Variants in SYCP2L observed in about 807,000 individuals in gnomAD.
SYCP2L encodes synaptonemal complex protein 2-like.
Under a neutral mutation model 125.8 loss-of-function variants are expected in SYCP2L, and 98 were observed. The observed-to-expected ratio is 0.78, with a 90% CI of 0.66 to 0.92. The LOEUF (loss-of-function observed/expected upper bound fraction) is 0.92. SYCP2L is among the 40% of genes least tolerant of loss of function. The pLI, the probability that SYCP2L is intolerant of heterozygous loss-of-function variation, is 0.00. For synonymous variants in SYCP2L, 317 were observed against 325.4 expected (o/e 0.97, Z 0.28); for missense variants, 842 against 936.4 (o/e 0.90, Z 1.32).
At chr6:10,941,906 A>T (rs901576460) in intron 21 of SYCP2L, among the ~76,000 whole-genome samples, 1 of 152,134 alleles carries the variant, frequency 6.6e-6, no homozygotes, top group Non-Finnish European at 1.5e-5. Flanking sequence ...AACCAACCCA[A>T]ATGTCCAACA....
chr6:10,930,883 A>T (rs1020718180), intron 19 of SYCP2L, among the ~76,000 whole-genome samples: 2 of 152,234 alleles, frequency 1.3e-5, no homozygotes, highest in African/African-American at 4.8e-5. Context: ...AGGTAGGTAA[A>T]ACTACAAGGG....
At chr6:10,928,831 C>T (rs1440556310) in intron 18 of SYCP2L, among the ~76,000 whole-genome samples, 1 of 152,132 alleles carries the variant, frequency 6.6e-6, no homozygotes, top group African/African-American at 2.4e-5. Context: ...AGCCACCATG[C>T]CCCATCAGCC....
At chr6:10,897,566 C>T (rs933003585) in intron 4 of SYCP2L, among the ~76,000 whole-genome samples, 2 of 152,094 alleles carry the variant, frequency 1.3e-5, no homozygotes, top group African/African-American at 2.4e-5. Flanking sequence ...TGTGCACCAC[C>T]ACACCCAGCT....
chr6:10,888,705 A>G (rs191848811), intron 1 of SYCP2L, among the ~76,000 whole-genome samples: 7 of 152,340 alleles, frequency 4.6e-5, no homozygotes, highest in Admixed American at 3.3e-4. Flanking sequence ...GGCCGTGTCT[A>G]TAGAGAAAAG....
chr6:10,910,310 C>A, intron 11 of SYCP2L, 110 bp downstream of exon 11: 5 of 989,820 alleles, frequency 5.1e-6, no homozygotes, highest in Non-Finnish European at 6.1e-6. Flanking sequence ...TTGGGTACAT[C>A]ATTTACAGAG....
chr6:10,911,777 T>C (rs1780611401), intron 12 of SYCP2L, among the ~76,000 whole-genome samples: 1 of 151,894 alleles, frequency 6.6e-6, no homozygotes, highest in Non-Finnish European at 1.5e-5. Flanking sequence ...CCTCTGTAGC[T>C]ATTAAAAGGT....
intron 21 of SYCP2L, among the ~76,000 whole-genome samples, chr6:10,937,805 G>T (rs1781128284): frequency 6.6e-6 from 1 of 152,052 alleles, no homozygotes; most frequent in Non-Finnish European, 1.5e-5. Context: ...CAACAAATTG[G>T]ATAACCTAGA....
At chr6:10,908,032 G>T (rs1415896629) in intron 10 of SYCP2L, among the ~76,000 whole-genome samples, 1 of 151,580 alleles carries the variant, frequency 6.6e-6, no homozygotes, top group African/African-American at 2.4e-5. Context: ...GGGATTATAG[G>T]CACCTGCCAC....
In SYCP2L at chr6:10,898,051, C is replaced by T. The variant is rs368583068; in HGVS notation, c.377C>T (p.Ser126Leu). The stretch of plus-strand genomic sequence containing the variant: ...GAAAGAACAACAGGAATTCTGACCT[C>T]GGAAGGCCTAGCCTCAGACACGTCG... Reference protein sequence around the residue: ...WFERTTGILTSEGLASDTSLI... With the variant: ...WFERTTGILTLEGLASDTSLI... Residue 126 changes from serine to leucine, a missense_variant, in exon 5 of 30, where the codon TCG becomes TTG. Transcript: ENST00000283141. 65 of 1,614,086 alleles carry T rather than the reference C, an allele frequency of 4.0e-5. No homozygotes were observed. The African/African-American group carries it at 6.5e-4, about 16-fold the overall frequency.
chr6:10,950,551 GT>G (rs1781392215), intron 23 of SYCP2L, among the ~76,000 whole-genome samples: 1 of 152,052 alleles, frequency 6.6e-6, no homozygotes, highest in South Asian at 2.1e-4. Flanking sequence ...GAGGATTTAT[GT>G]TTCTTTTAGA....
intron 10 of SYCP2L, 81 bp from the exon 11 acceptor site, chr6:10,910,067 C>A: frequency 8.8e-7 from 1 of 1,139,578 alleles, no homozygotes; most frequent in Non-Finnish European, 1.3e-6. Flanking sequence ...GAAGCAAACA[C>A]TGGCCTCTGT....
In SYCP2L at chr6:10,942,724, G is replaced by C. The variant is rs1781245997; in HGVS notation, c.1932G>C (p.Lys644Asn). Residue 644 changes from lysine to asparagine, a missense_variant, in exon 23 of 30, where the codon AAG becomes AAC. Coordinates refer to ENST00000283141, the MANE Select transcript of SYCP2L (RefSeq NM_001040274.3). ...CAGAAAGTACTAGCTTGAAACATAA[G>C]CTGAGAAACTTGGAAGACAAAGGTA... ...SLTESTSLKH[K>N]LRNLEDKDIP... The C allele has an allele frequency of 1.2e-6, 2 of 1,611,690 alleles. No homozygotes were observed. Among genetic ancestry groups the C allele is most frequent in the Non-Finnish European group, 1.7e-6 (2 of 1,179,484 alleles).
intron 10 of SYCP2L, among the ~76,000 whole-genome samples, chr6:10,907,898 T>TTTTTG (rs1780528475): frequency 2.3e-5 from 3 of 128,720 alleles, no homozygotes; most frequent in Admixed American, 1.5e-4. Context: ...ATAGGTTTTT[T>TTTTTG]TTTTTTTTTT....
intron 19 of SYCP2L, 76 bp downstream of exon 19, chr6:10,930,590 T>G (rs1780978452): frequency 6.7e-7 from 1 of 1,482,844 alleles, no homozygotes; most frequent in South Asian, 1.3e-5. Context: ...TTTCAGTATA[T>G]AATGGGAGTG....
rs1343964817 is a variant in SYCP2L, at chr6:10,913,797, C to G, written c.1072+870C>G. Among the ~76,000 whole-genome samples the G allele has an allele frequency of 2.0e-5, 3 of 151,642 alleles. No homozygotes were observed. The East Asian group carries it at 5.8e-4, about 29-fold the overall frequency. ...TTGGTCATGAAATCCTTGCCTAAGC[C>G]AATGTCTAGAAGGGTTTTTCCAATG... On this transcript the variant is annotated intron_variant, in intron 14 of 29. Transcript: ENST00000283141.
At position 10,894,261 on chromosome 6, in the gene SYCP2L, A is replaced by G. The variant is rs145859492; in HGVS notation, c.336+57A>G. ...TGGGTAACTTAGAGAACTTAGGTGG[A>G]TTTAGTTGTCTAGTTAAGTTTGGTA... On this transcript the variant is annotated intron_variant, in intron 4 of 29. Coordinates refer to ENST00000283141, the MANE Select transcript of SYCP2L (RefSeq NM_001040274.3). 3.2e-5 allele frequency: 51 copies of G among 1,571,802 alleles called. No homozygotes were observed. In the Middle Eastern group the frequency reaches 8.4e-4, roughly 26 times the overall value.
At position 10,963,985 on chromosome 6, in the gene SYCP2L, T is replaced by C. The variant is rs546948880; in HGVS notation, c.*37+142T>C. The C allele has an allele frequency of 3.9e-4, 217 of 552,322 alleles. 2 individuals are homozygous for C. In the East Asian group the frequency reaches 7.3e-3, roughly 19 times the overall value. 34.2% of individuals were successfully genotyped at this position (552,322 alleles called of 1,614,324 possible). ...CATTTTTTTTTTTTTTTTGATGGAG[T>C]CTCACTCTGTCACCCAGGCTGGAGT... On this transcript the variant is annotated intron_variant, in intron 29 of 29. Transcript: ENST00000283141.
intron 26 of SYCP2L, among the ~76,000 whole-genome samples, chr6:10,959,183 A>C (rs1253816934): frequency 6.6e-6 from 1 of 152,270 alleles, no homozygotes; most frequent in African/African-American, 2.4e-5. Context: ...TAAATGAAAT[A>C]TGCTATATCC....
intron 10 of SYCP2L, among the ~76,000 whole-genome samples, chr6:10,908,601 TA>T (rs770987987): frequency 8.5e-5 from 13 of 152,198 alleles, no homozygotes; most frequent in Non-Finnish European, 1.8e-4. Context: ...TAGACTCTTG[TA>T]GGAAAAGGTA....
Sources: allele counts gnomAD v4.1 joint callset (sites outside exome capture counted in the v4.1 genomes callset), GRCh38; gene constraint gnomAD v4.1.1; transcripts MANE v1.5; gene names NCBI Gene and HGNC (gene_info 2026-07-23, HGNC 2026-07-21).